The following GLIS1 variants were observed in gnomAD, a reference collection of about 807,000 sequenced individuals.
GLIS1 encodes zinc finger protein GLIS1.
In GLIS1, 24 loss-of-function variants were observed where a neutral mutation model predicts 63.8. The ratio of observed to expected loss-of-function variants is 0.38; its 90% CI spans 0.27 to 0.53. GLIS1 has a LOEUF of 0.53. GLIS1 is among the 20% of genes least tolerant of loss of function. GLIS1 has a pLI of 0.85. For synonymous variants in GLIS1, 450 were observed against 482.5 expected (o/e 0.93, Z 0.88); for missense variants, 1,036 against 1,074.1 (o/e 0.96, Z 0.50).
chr1:53,702,703 G>A (rs1646536853), intron 2 of GLIS1, among the ~76,000 whole-genome samples: 1 of 152,256 alleles, frequency 6.6e-6, no homozygotes, highest in Non-Finnish European at 1.5e-5. Context: ...CCCAATTAAT[G>A]AGGAACGACT....
At chr1:53,677,111 C>T (rs1467749513) in intron 2 of GLIS1, among the ~76,000 whole-genome samples, 3 of 152,214 alleles carry the variant, frequency 2.0e-5, no homozygotes, top group African/African-American at 4.8e-5. Flanking sequence ...TTGAGGATGA[C>T]GCCGGCCTAC....
chr1:53,640,500 G>A (rs1645775049), intron 2 of GLIS1, among the ~76,000 whole-genome samples: 1 of 152,074 alleles, frequency 6.6e-6, no homozygotes, highest in African/African-American at 2.4e-5. Context: ...GGGATCCTCA[G>A]GCCCCCAGCA....
intron 2 of GLIS1, among the ~76,000 whole-genome samples, chr1:53,687,357 G>A (rs1049566926): frequency 1.3e-4 from 20 of 152,274 alleles, no homozygotes; most frequent in African/African-American, 4.6e-4. Flanking sequence ...GTCTCCTAAG[G>A]GATTCCCATG....
chr1:53,559,465 A>G (rs896317691), intron 4 of GLIS1, among the ~76,000 whole-genome samples: 2 of 152,046 alleles, frequency 1.3e-5, no homozygotes, highest in Non-Finnish European at 2.9e-5. Flanking sequence ...CCTCGTGCCC[A>G]TCCTTCCGAG....
intron 2 of GLIS1, among the ~76,000 whole-genome samples, chr1:53,603,655 G>A (rs895393218): frequency 1.4e-4 from 21 of 152,218 alleles, no homozygotes; most frequent in African/African-American, 5.1e-4. Flanking sequence ...AGCATGGATG[G>A]ATGGATCCTT....
intron 10 of GLIS1, among the ~76,000 whole-genome samples, chr1:53,508,150 C>G (rs994717085): frequency 2.2e-4 from 19 of 86,460 alleles, no homozygotes; most frequent in Non-Finnish European, 1.4e-4. Flanking sequence ...CCACATACAC[C>G]TGGGGTAATA....
In GLIS1 at chr1:53,539,699, C is replaced by T. The variant is rs1164765060; in HGVS notation, c.1321-9747G>A. 6.6e-6 allele frequency among the ~76,000 whole-genome samples: 1 copy of T among 152,162 alleles called. No homozygotes were observed. Among genetic ancestry groups the T allele is most frequent in the South Asian group, 2.1e-4 (1 of 4,834 alleles). On this transcript the variant is annotated intron_variant, in intron 4 of 10. Transcript: ENST00000628545. The surrounding 1 kb of genome is among the most constrained non-coding windows in gnomAD (Gnocchi z 5.0). ...TGCCACATTCACAAACACACTAACCCCCACCCACCAGCCACACCGACACAC... is the reference window on the plus strand; with the variant it reads ...TGCCACATTCACAAACACACTAACCTCCACCCACCAGCCACACCGACACAC...
chr1:53,590,409 C>A (rs1645177470), intron 4 of GLIS1, among the ~76,000 whole-genome samples: 1 of 152,168 alleles, frequency 6.6e-6, no homozygotes, highest in African/African-American at 2.4e-5. Context: ...AGGGACTCTT[C>A]TCATGCCTAT....
chr1:53,597,818 C>T (rs796361227), intron 3 of GLIS1, among the ~76,000 whole-genome samples: 7 of 151,868 alleles, frequency 4.6e-5, no homozygotes, highest in South Asian at 2.1e-4. Context: ...CTGATGCCGG[C>T]GTAGAATTCT....
intron 2 of GLIS1, among the ~76,000 whole-genome samples, chr1:53,714,872 T>G (rs1646682061): frequency 6.6e-6 from 1 of 152,240 alleles, no homozygotes; most frequent in African/African-American, 2.4e-5. Context: ...CATGGAGTTT[T>G]CCTTCTTAAA....
At chr1:53,698,122 C>T (rs982636252) in intron 2 of GLIS1, among the ~76,000 whole-genome samples, 2 of 111,690 alleles carry the variant, frequency 1.8e-5, no homozygotes, top group African/African-American at 7.1e-5. Context: ...AAACAGGAAA[C>T]AATTAAAGAA....
Position 53,632,618 on chromosome 1 carries a change from G to A in GLIS1, c.260-32340C>T, listed in dbSNP as rs539078850. 2.7e-4 allele frequency among the ~76,000 whole-genome samples: 39 copies of A among 141,894 alleles called. No homozygotes were observed. The East Asian group carries it at 3.4e-3, about 12-fold the overall frequency. 93.1% of individuals were successfully genotyped at this position (141,894 alleles called of 152,430 possible). A position where few individuals can be genotyped will look rare whatever the true frequency, so the allele number is the denominator to read the frequency against. ...TGAGGGACATGTGAATGAGTGTGACGGAGGGGCATGTGAATGAGTGTGATT... is the reference window on the plus strand; with the variant it reads ...TGAGGGACATGTGAATGAGTGTGACAGAGGGGCATGTGAATGAGTGTGATT... On this transcript the variant is annotated intron_variant, in intron 2 of 10. Transcript: ENST00000628545.
At chr1:53,704,354 T>C (rs1198433512) in intron 2 of GLIS1, among the ~76,000 whole-genome samples, 2 of 152,222 alleles carry the variant, frequency 1.3e-5, no homozygotes, top group Non-Finnish European at 2.9e-5. Flanking sequence ...GTCTTACAGA[T>C]GAAGAAATCA....
Position 53,594,773 on chromosome 1 carries a change from C to T in GLIS1, c.655G>A (p.Glu219Lys), listed in dbSNP as rs375719960. ...TGGAGGCCCAGGCCAGAGCTGGGTT[C>T]GCTGCCCAGAAGGTAGCAGGAAGGC... is the stretch of plus-strand genomic sequence containing the variant. ...PAPSCYLLGS[E>K]PSSGLGLQPE... The change falls in exon 4 of 11, where the codon GAA (glutamate) becomes AAA (lysine). Residue 219 changes from glutamate (E) to lysine (K), a missense_variant. Transcript: ENST00000628545. The T allele has an allele frequency of 1.5e-5, 24 of 1,599,926 alleles. No homozygotes were observed. Among genetic ancestry groups the T allele is most frequent in the African/African-American group, 4.0e-5 (3 of 74,712 alleles).
chr1:53,577,175 C>A (rs1645040561), intron 4 of GLIS1, among the ~76,000 whole-genome samples: 1 of 151,754 alleles, frequency 6.6e-6, no homozygotes, highest in African/African-American at 2.4e-5. Flanking sequence ...CTGACCACAC[C>A]CCTCTCCTGC....
chr1:53,664,461 G>A (rs938003216), intron 2 of GLIS1, among the ~76,000 whole-genome samples: 1 of 152,220 alleles, frequency 6.6e-6, no homozygotes, highest in African/African-American at 2.4e-5. Context: ...TGCCTCCAAT[G>A]TCATCATCAC....
chr1:53,594,322 C>A lies in GLIS1; in HGVS notation c.1106G>T (p.Arg369Leu), dbSNP rs149706629. 4.7e-5 allele frequency: 76 copies of A among 1,611,688 alleles called. No homozygotes were observed. Among genetic ancestry groups the A allele is most frequent in the Admixed American group, 1.2e-4 (7 of 59,942 alleles). ...GCAGTCCACCCAGCGGCACGCCTGC[C>A]GCCCGGCCACCACCCTGCCTGCCAG... ...LGLAGRVVAG[R>L]QACRWVDCCA... Residue 369 changes from arginine (R) to leucine (L), a missense_variant, in exon 4 of 11, where the codon CGG (arginine) becomes CTG (leucine). Physicochemically the swap from Arg to Leu is moderately radical, Grantham distance 102. Coordinates refer to ENST00000628545, the MANE Select transcript of GLIS1 (RefSeq NM_001367484.1).
At chr1:53,721,516 G>A (rs1041910575) in intron 2 of GLIS1, among the ~76,000 whole-genome samples, 3 of 151,972 alleles carry the variant, frequency 2.0e-5, no homozygotes, top group Non-Finnish European at 2.9e-5. Flanking sequence ...TGACTGAGTT[G>A]AAGGCAGGGC....
chr1:53,733,921 G>A (rs1399175442), intron 2 of GLIS1: 8 of 985,306 alleles, frequency 8.1e-6, no homozygotes, highest in East Asian at 1.1e-4. Context: ...TGAGGGATGC[G>A]CTAGCCTTCC....
Sources: gnomAD v4.1 joint callset for allele counts (sites outside exome capture counted in the v4.1 genomes callset) on GRCh38, gnomAD v4.1.1 for gene constraint, Gnocchi (gnomAD v3.1) non-coding constraint, MANE v1.5 for transcripts, NCBI Gene and HGNC (gene_info 2026-07-23, HGNC 2026-07-21) for gene names.